Variants in CCDC144A observed in about 807,000 individuals in gnomAD.
CCDC144A encodes the protein coiled-coil domain-containing protein 144A.
In CCDC144A, 41 loss-of-function variants were observed where a neutral mutation model predicts 143.8. The observed-to-expected ratio is 0.29, with a 90% CI of 0.22 to 0.37. The LOEUF (loss-of-function observed/expected upper bound fraction) is 0.37, where lower values mean the gene tolerates loss of function less well. CCDC144A is among the 10% of genes least tolerant of loss of function. The pLI is 1.00. For missense variants in CCDC144A, 637 were observed against 1,488.8 expected, an observed-to-expected ratio of 0.43 and a Z score of 9.41; for synonymous variants, 242 against 517.9, an observed-to-expected ratio of 0.47 and a Z score of 7.23.
At chr17:16,751,487 G>A (rs1329940055) in intron 12 of CCDC144A, among the ~76,000 whole-genome samples, 1 of 152,212 alleles carries the variant, frequency 6.6e-6, no homozygotes, top group African/African-American at 2.4e-5. Flanking sequence ...GGGGAAGGGG[G>A]AAAAGTAGGA....
At chr17:16,672,506 T>C in the CCDC144A span, among the ~76,000 whole-genome samples, 1 of 152,074 alleles carries the variant, frequency 6.6e-6, no homozygotes, top group South Asian at 2.1e-4. Context: ...TAATGAAATG[T>C]TTGTGTTTGC....
intron 12 of CCDC144A, among the ~76,000 whole-genome samples, chr17:16,744,620 A>G (rs1277072879): frequency 6.6e-6 from 1 of 152,038 alleles, no homozygotes; most frequent in Non-Finnish European, 1.5e-5. Flanking sequence ...TGTTCAATGC[A>G]TAGCTTGTAA....
intron 3 of CCDC144A, chr17:16,706,432 T>C (rs1190797569): frequency 7.7e-5 from 11 of 142,812 alleles, no homozygotes; most frequent in African/African-American, 2.9e-4. Flanking sequence ...CCCTTTCCCC[T>C]GTGTGCCCTT....
At chr17:16,700,613 A>G (rs1244981130) in intron 2 of CCDC144A, among the ~76,000 whole-genome samples, 1 of 152,212 alleles carries the variant, frequency 6.6e-6, no homozygotes, top group African/African-American at 2.4e-5. Context: ...CCCAGCAGCT[A>G]TGCCCCTGAG....
At chr17:16,753,719 G>C (rs1201568201) in intron 12 of CCDC144A, among the ~76,000 whole-genome samples, 2 of 152,162 alleles carry the variant, frequency 1.3e-5, no homozygotes, top group Non-Finnish European at 2.9e-5. Flanking sequence ...TGTGCACAGG[G>C]AGACAGTTTG....
At chr17:16,668,276 G>A in the CCDC144A span, among the ~76,000 whole-genome samples, 1 of 152,030 alleles carries the variant, frequency 6.6e-6, no homozygotes, top group Non-Finnish European at 1.5e-5. Context: ...AGCTTACGGA[G>A]CAACATTCTG....
intron 12 of CCDC144A, among the ~76,000 whole-genome samples, chr17:16,741,624 T>C (rs1418913176): frequency 6.6e-6 from 1 of 152,186 alleles, no homozygotes; most frequent in Admixed American, 6.5e-5. Context: ...TTGATGTATT[T>C]TTTTTTAGAC....
intron 9 of CCDC144A, 176 bp from the exon 10 acceptor site, chr17:16,731,624 T>C (rs2143233825): frequency 7.6e-6 from 1 of 130,840 alleles, no homozygotes; most frequent in South Asian, 2.8e-4. Flanking sequence ...CTCAAATATA[T>C]ATGTCCCTTG....
intron 12 of CCDC144A, among the ~76,000 whole-genome samples, chr17:16,743,132 C>T (rs1022696251): frequency 5.3e-5 from 8 of 152,066 alleles, no homozygotes; most frequent in Non-Finnish European, 8.8e-5. Context: ...TGCATATGCC[C>T]GTGATAACTT....
chr17:16,753,432 T>TTTTTTTTTTTTTTTG (rs1914905841), intron 12 of CCDC144A, among the ~76,000 whole-genome samples: 1 of 122,882 alleles, frequency 8.1e-6, no homozygotes, highest in Non-Finnish European at 1.6e-5. Context: ...TTTGTAGTTT[T>TTTTTTTTTTTTTTTG]TTTTTTTTTT....
At chr17:16,682,883 GTTTTTTTTT>G in the CCDC144A span, among the ~76,000 whole-genome samples, 178 of 46,446 alleles carry the variant, frequency 3.8e-3, 5 homozygotes, top group African/African-American at 6.7e-3. Context: ...TGGATTCTCT[GTTTTTTTTT>G]TTTTTTTTTT....
At chr17:16,683,579 G>T in the CCDC144A span, 4 of 1,609,548 alleles carry the variant, frequency 2.5e-6, no homozygotes, top group Admixed American at 1.7e-5. Context: ...GCAAAGCACA[G>T]GTGGACCGGT....
rs895404347 is a variant in CCDC144A at position 16,690,326 on chromosome 17, G to C, written c.-75G>C. 4.2e-6 allele frequency: 5 copies of C among 1,197,730 alleles called. No individual in the cohort carries two copies. The highest frequency in any genetic ancestry group is 3.0e-4 in the Middle Eastern group (1 of 3,362). 74.2% of individuals were successfully genotyped at this position (1,197,730 alleles called of 1,614,324 possible). ...CTTGGCTTGGCATTTCTGGCTTGGC[G>C]GTCCTCCTTTCGCAGATTGGAAACC... On this transcript the variant is annotated 5_prime_UTR_variant, in exon 1 of 17. Transcript: ENST00000399273.
At chr17:16,744,335 C>G (rs1421578239) in intron 12 of CCDC144A, among the ~76,000 whole-genome samples, 1 of 152,242 alleles carries the variant, frequency 6.6e-6, no homozygotes, top group Non-Finnish European at 1.5e-5. Flanking sequence ...TCCCTTTTCA[C>G]TGTAGCAGCT....
chr17:16,744,490 C>G (rs1914401947), intron 12 of CCDC144A, among the ~76,000 whole-genome samples: 1 of 152,066 alleles, frequency 6.6e-6, no homozygotes, highest in Non-Finnish European at 1.5e-5. Flanking sequence ...TATGTTTGCT[C>G]TCCACTTTTA....
the CCDC144A span, among the ~76,000 whole-genome samples, chr17:16,679,603 C>G: frequency 6.6e-6 from 1 of 151,950 alleles, no homozygotes; most frequent in Non-Finnish European, 1.5e-5. Context: ...GAATTTTATT[C>G]TTCACACTGT....
At chr17:16,744,601 T>G (rs1249945908) in intron 12 of CCDC144A, among the ~76,000 whole-genome samples, 2 of 152,178 alleles carry the variant, frequency 1.3e-5, no homozygotes, top group East Asian at 1.9e-4. Context: ...GTTCTGGATA[T>G]TAGAACTTTG....
At position 16,690,350 on chromosome 17, in the gene CCDC144A, C is replaced by T. The variant is rs1219160141; in HGVS notation, c.-51C>T. 1.7e-4 allele frequency: 234 copies of T among 1,396,558 alleles called. 1 individual carries two copies. The highest frequency in any genetic ancestry group is 2.2e-4 in the Non-Finnish European group (229 of 1,046,350). 86.5% of individuals were successfully genotyped at this position (1,396,558 alleles called of 1,614,324 possible). On this transcript the variant is annotated 5_prime_UTR_variant, in exon 1 of 17. Coordinates refer to ENST00000399273, the MANE Select transcript of CCDC144A (RefSeq NM_001382000.1). ...CGGTCCTCCTTTCGCAGATTGGAAA[C>T]CGCGGGCTATCCTGCTGGGAGGTTG...
intron 2 of CCDC144A, among the ~76,000 whole-genome samples, chr17:16,697,694 A>G (rs1173394195): frequency 3.9e-5 from 6 of 152,266 alleles, no homozygotes; most frequent in Non-Finnish European, 8.8e-5. Flanking sequence ...TTAAGAAATA[A>G]CATTAATAGT....
Sources: allele counts gnomAD v4.1 joint callset (sites outside exome capture counted in the v4.1 genomes callset), GRCh38; gene constraint gnomAD v4.1.1; transcripts MANE v1.5; gene names NCBI Gene and HGNC (gene_info 2026-07-23, HGNC 2026-07-21).